Variants in LAMA2 observed in about 807,000 individuals in gnomAD.
LAMA2 encodes the protein laminin subunit alpha-2.
In LAMA2, 269 loss-of-function variants were observed where a neutral mutation model predicts 364.8. The observed-to-expected ratio is 0.74, with a 90% CI of 0.67 to 0.82. The LOEUF (loss-of-function observed/expected upper bound fraction) is 0.82. Among genes scored for constraint, LAMA2 ranks in the 40% least tolerant of loss-of-function variants. The pLI, the probability that LAMA2 is intolerant of heterozygous loss-of-function variation, is 0.00. For missense variants in LAMA2, 3,807 were observed against 3,873.2 expected (o/e 0.98, Z 0.45); for synonymous variants, 1,379 against 1,370.6 (o/e 1.01, Z -0.14).
intron 18 of LAMA2, among the ~76,000 whole-genome samples, chr6:129,284,507 G>A (rs2114404896): frequency 6.6e-6 from 1 of 152,224 alleles, no homozygotes; most frequent in South Asian, 2.1e-4. Context: ...CCGTGTAAAA[G>A]TGCTCAGCTG....
intron 31 of LAMA2, among the ~76,000 whole-genome samples, chr6:129,351,780 C>T (rs1776865867): frequency 6.6e-6 from 1 of 152,046 alleles, no homozygotes; most frequent in African/African-American, 2.4e-5. Flanking sequence ...AATTATTTTA[C>T]CTATAAATGT....
At chr6:128,972,232 A>G (rs1782229093) in intron 1 of LAMA2, among the ~76,000 whole-genome samples, 1 of 152,226 alleles carries the variant, frequency 6.6e-6, no homozygotes, top group Non-Finnish European at 1.5e-5. Context: ...GTAAAAAAAA[A>G]TCTGTTCTAT....
chr6:129,127,783 A>G (rs527410947), intron 4 of LAMA2, among the ~76,000 whole-genome samples: 1 of 151,578 alleles, frequency 6.6e-6, no homozygotes, highest in Non-Finnish European at 1.5e-5. Context: ...TTTTTCATTT[A>G]TCTCTTGGCC....
At chr6:129,278,809 T>C (rs1032106903) in intron 17 of LAMA2, among the ~76,000 whole-genome samples, 3 of 152,152 alleles carry the variant, frequency 2.0e-5, no homozygotes, top group African/African-American at 7.2e-5. Context: ...AGTTGAAATG[T>C]TTAAAATGAT....
chr6:129,400,846 A>G (rs565977795), intron 37 of LAMA2, among the ~76,000 whole-genome samples: 46 of 152,354 alleles, frequency 3.0e-4, no homozygotes, highest in African/African-American at 9.9e-4. Context: ...TATGCTCACA[A>G]AGTACTCATT....
chr6:129,142,983 T>C (rs1778218082), intron 4 of LAMA2, among the ~76,000 whole-genome samples: 7 of 152,036 alleles, frequency 4.6e-5, no homozygotes, highest in South Asian at 4.1e-4. Flanking sequence ...CAAGAGTTCT[T>C]TGAGTATTAG....
In LAMA2 at chr6:129,391,517, A is replaced by G. The variant is rs1439919870; in HGVS notation, c.5098A>G (p.Asn1700Asp). 1 of 1,613,806 alleles carries G rather than the reference A, an allele frequency of 6.2e-7. No individual in the cohort carries two copies. The highest frequency in any genetic ancestry group is 2.2e-5 in the East Asian group (1 of 44,874). Residue 1700 changes from asparagine (N) to aspartate (D), a missense_variant, in exon 36 of 65, where the codon AAT becomes GAT. Physicochemically the swap from Asn to Asp is conservative, Grantham distance 23. Coordinates refer to ENST00000421865, the MANE Select transcript of LAMA2 (RefSeq NM_000426.4). ...EAVNEKAIKL[N>D]ETLGTRDEAF... ...TGTAAATGAAAAAGCTATAAAACTA[A>G]ATGAAACTCTAGGAACTCGAGACGA... is the stretch of plus-strand genomic sequence containing the variant.
At chr6:129,402,905 C>T (rs1961971) in intron 39 of LAMA2, among the ~76,000 whole-genome samples, 76,436 of 152,024 alleles carry the variant, frequency 0.5, 19,714 homozygotes, top group African/African-American at 0.62. Flanking sequence ...GAAAATTTGG[C>T]CCCATACGTA....
chr6:129,261,797 T>C (rs1295634451), intron 15 of LAMA2, among the ~76,000 whole-genome samples: 1 of 152,258 alleles, frequency 6.6e-6, no homozygotes, highest in African/African-American at 2.4e-5. Flanking sequence ...TGAGCTCAGA[T>C]TCACCTTTCT....
rs891515687 is a variant in LAMA2 at position 129,017,498 on chromosome 6, C to T, written c.113-32420C>T. On this transcript the variant is annotated intron_variant, in intron 1 of 64. Transcript: ENST00000421865. ...AAAAGGTTTTCATCTCTGTCAGATA[C>T]GACAGGTGAACTTTGGTAACATAAG... is the stretch of plus-strand genomic sequence containing the variant. Among the ~76,000 whole-genome samples the T allele has an allele frequency of 5.3e-5, 8 of 150,962 alleles. 1 individual carries two copies. Among genetic ancestry groups the T allele is most frequent in the South Asian group, 4.2e-4 (2 of 4,762 alleles).
Position 128,929,804 on chromosome 6 carries a change from A to G in LAMA2, c.112+46447A>G, listed in dbSNP as rs1779340751. Reference sequence around the variant, plus strand: ...TGTCTCCTGACTTCCAACCACACCCACAGAGTCTTGGTAGAAGATACGCAG... The same window carrying G: ...TGTCTCCTGACTTCCAACCACACCCGCAGAGTCTTGGTAGAAGATACGCAG... On this transcript the variant is annotated intron_variant, in intron 1 of 64. Transcript: ENST00000421865. The G allele has an allele frequency of 2.9e-6, 3 of 1,044,322 alleles. No individual in the cohort carries two copies. The Admixed American group carries it at 5.1e-5, about 18-fold the overall frequency. 64.7% of individuals were successfully genotyped at this position (1,044,322 alleles called of 1,614,324 possible). A position where few individuals can be genotyped will look rare whatever the true frequency, so the allele number is the denominator to read the frequency against.
chr6:129,053,066 TTTTTG>T (rs560910801), intron 2 of LAMA2, among the ~76,000 whole-genome samples: 3 of 152,202 alleles, frequency 2.0e-5, no homozygotes, highest in African/African-American at 7.2e-5. Context: ...ATTTCTTTCT[TTTTTG>T]TTTTGTTTTG....
At chr6:129,276,044 A>G (rs1023856753) in intron 17 of LAMA2, among the ~76,000 whole-genome samples, 1 of 152,134 alleles carries the variant, frequency 6.6e-6, no homozygotes, top group Non-Finnish European at 1.5e-5. Context: ...ACTGAAGAAG[A>G]AAATACTTAG....
At chr6:129,251,076 C>CTCTCTATATA (rs1491468271) in intron 13 of LAMA2, among the ~76,000 whole-genome samples, 18 of 49,800 alleles carry the variant, frequency 3.6e-4, no homozygotes, top group African/African-American at 7.4e-4. Context: ...CTCTCTCTCT[C>CTCTCTATATA]TATATATATA....
chr6:129,304,504 C>A (rs1291205578), intron 22 of LAMA2, among the ~76,000 whole-genome samples: 2 of 152,214 alleles, frequency 1.3e-5, no homozygotes, highest in Admixed American at 6.5e-5. Context: ...ACCTCGTGAT[C>A]CGCCAGCCTC....
intron 4 of LAMA2, among the ~76,000 whole-genome samples, chr6:129,112,254 T>G (rs1481568852): frequency 6.6e-6 from 1 of 152,072 alleles, no homozygotes; most frequent in Non-Finnish European, 1.5e-5. Flanking sequence ...TGATTTAATT[T>G]TGTGTTATTT....
intron 1 of LAMA2, among the ~76,000 whole-genome samples, chr6:129,012,139 TA>T (rs1412438420): frequency 8.5e-5 from 13 of 152,216 alleles, no homozygotes; most frequent in African/African-American, 3.1e-4. Context: ...TATTGTAGTT[TA>T]AAACTTGGCT....
intron 18 of LAMA2, among the ~76,000 whole-genome samples, chr6:129,281,327 A>G (rs993825156): frequency 3.3e-5 from 5 of 152,144 alleles, no homozygotes; most frequent in African/African-American, 1.2e-4. Context: ...CCCCCAGTTC[A>G]CTACAGGCAA....
At chr6:129,258,764 A>G (rs1426022486) in intron 14 of LAMA2, among the ~76,000 whole-genome samples, 11 of 152,094 alleles carry the variant, frequency 7.2e-5, no homozygotes, top group Non-Finnish European at 4.4e-5. Flanking sequence ...ACTAATGACA[A>G]GAAAAGTAAA....
Sources: allele counts gnomAD v4.1 joint callset (sites outside exome capture counted in the v4.1 genomes callset), GRCh38; gene constraint gnomAD v4.1.1; transcripts MANE v1.5; gene names NCBI Gene and HGNC (gene_info 2026-07-23, HGNC 2026-07-21).